GRM3: variants seen among roughly 807,000 people sequenced by gnomAD.
GRM3 encodes metabotropic glutamate receptor 3.
In GRM3, 26 loss-of-function variants were observed where a neutral mutation model predicts 70.5. That is an observed-to-expected ratio of 0.37 (90% CI 0.27 to 0.51). GRM3 has a LOEUF of 0.51. Ranked by LOEUF, GRM3 falls within the 20% of genes least tolerant of loss-of-function variation. The pLI is 0.93. For synonymous variants in GRM3, 443 were observed against 434.9 expected (o/e 1.02, Z -0.23); for missense variants, 859 against 1,123.8 (o/e 0.76, Z 3.37).
chr7:86,806,478 T>A (rs1329019101), intron 3 of GRM3, among the ~76,000 whole-genome samples: 1 of 152,220 alleles, frequency 6.6e-6, no homozygotes, highest in Admixed American at 6.5e-5. Flanking sequence ...GTGGTTTTGA[T>A]TTGCATTTCT....
chr7:86,696,223 G>A (rs1007891915), intron 1 of GRM3, among the ~76,000 whole-genome samples: 4 of 152,202 alleles, frequency 2.6e-5, no homozygotes, highest in African/African-American at 9.6e-5. Flanking sequence ...TCTGGCAAAA[G>A]AGACTTAGAT....
chr7:86,680,107 T>C (rs762339668), intron 1 of GRM3, among the ~76,000 whole-genome samples: 10 of 152,120 alleles, frequency 6.6e-5, no homozygotes, highest in African/African-American at 9.7e-5. Context: ...TGCTAGAGTA[T>C]GCTGAGAAGT....
chr7:86,662,405 G>A (rs568967723), intron 1 of GRM3, among the ~76,000 whole-genome samples: 62 of 151,716 alleles, frequency 4.1e-4, no homozygotes, highest in Non-Finnish European at 8.9e-5. Flanking sequence ...AAGGAATGAA[G>A]GAATAAAGAC....
At position 86,850,554 on chromosome 7, in the gene GRM3, G is replaced by A. The variant is rs1798737680; in HGVS notation, c.2566+10G>A. ...ACCACATACTCTCAGTGTAAGTATG[G>A]AACTCAGCACTAACTCCTTCATACA... is the stretch of plus-strand genomic sequence containing the variant. On this transcript the variant is annotated intron_variant, in intron 5 of 5. Transcript: ENST00000361669. The A allele has an allele frequency of 6.3e-7, 1 of 1,575,254 alleles. No individual in the cohort carries two copies. Among genetic ancestry groups the A allele is most frequent in the Non-Finnish European group, 8.7e-7 (1 of 1,144,966 alleles).
At chr7:86,678,516 A>G (rs972851210) in intron 1 of GRM3, among the ~76,000 whole-genome samples, 3 of 152,066 alleles carry the variant, frequency 2.0e-5, no homozygotes, top group Non-Finnish European at 4.4e-5. Flanking sequence ...GTGTCTAAGA[A>G]TACTGTAAAG....
At chr7:86,684,726 A>G (rs1295653900) in intron 1 of GRM3, among the ~76,000 whole-genome samples, 1 of 152,224 alleles carries the variant, frequency 6.6e-6, no homozygotes, top group African/African-American at 2.4e-5. Context: ...TCACAGAATC[A>G]AGGAATAATG....
intron 1 of GRM3, among the ~76,000 whole-genome samples, chr7:86,712,936 C>T (rs1040646350): frequency 2.0e-5 from 3 of 152,018 alleles, no homozygotes; most frequent in Non-Finnish European, 4.4e-5. Context: ...CTGCAATAAA[C>T]ATAAAAATGC....
chr7:86,850,205 A>G (rs1367379671), intron 4 of GRM3, among the ~76,000 whole-genome samples, 165 bp from the exon 5 acceptor site: 1 of 152,212 alleles, frequency 6.6e-6, no homozygotes, highest in Admixed American at 6.6e-5. Flanking sequence ...AGACTACCCC[A>G]AACATAGAAG....
chr7:86,836,023 C>T (rs1381282887), intron 3 of GRM3, among the ~76,000 whole-genome samples: 1 of 152,094 alleles, frequency 6.6e-6, no homozygotes, highest in Admixed American at 6.5e-5. Context: ...TATTAAGATA[C>T]AACCAGACCC....
chr7:86,812,950 T>C (rs867847998), intron 3 of GRM3, among the ~76,000 whole-genome samples: 2 of 151,872 alleles, frequency 1.3e-5, no homozygotes, highest in African/African-American at 2.4e-5. Flanking sequence ...TTATCATGAA[T>C]GAGTTGGCCT....
At chr7:86,785,131 A>G (rs1014657266) in intron 2 of GRM3, among the ~76,000 whole-genome samples, 4 of 152,264 alleles carry the variant, frequency 2.6e-5, no homozygotes, top group African/African-American at 9.6e-5. Context: ...ATTCATGCCA[A>G]TGTAGACAGA....
intron 4 of GRM3, among the ~76,000 whole-genome samples, chr7:86,843,409 T>A (rs1798594607): frequency 6.6e-6 from 1 of 152,174 alleles, no homozygotes; most frequent in Non-Finnish European, 1.5e-5. Flanking sequence ...GGAGGACTAA[T>A]TGAAGCTCTT....
At chr7:86,714,120 A>G (rs371625525) in intron 1 of GRM3, among the ~76,000 whole-genome samples, 79 of 152,102 alleles carry the variant, frequency 5.2e-4, no homozygotes, top group African/African-American at 1.8e-3. Flanking sequence ...TGCTCTTCCT[A>G]CCAATGTCTG....
chr7:86,678,943 T>G, intron 1 of GRM3, among the ~76,000 whole-genome samples: 1 of 152,122 alleles, frequency 6.6e-6, no homozygotes, highest in East Asian at 1.9e-4. Context: ...AATTTTTTGA[T>G]AGCAAGGGTT....
At position 86,765,275 on chromosome 7, in the gene GRM3, C is replaced by A. The variant is rs369915149; in HGVS notation, c.130C>A (p.Leu44Met). 6.2e-7 allele frequency: 1 copy of A among 1,613,678 alleles called. No homozygotes were observed. Among genetic ancestry groups the A allele is most frequent in the Non-Finnish European group, 8.5e-7 (1 of 1,179,834 alleles). The change falls in exon 2 of 6, where the codon CTG becomes ATG. Residue 44 changes from leucine to methionine, a missense_variant. Leu to Met is a conservative substitution (Grantham distance 15, BLOSUM62 2). Coordinates refer to ENST00000361669, the MANE Select transcript of GRM3 (RefSeq NM_000840.3). Reference sequence around the variant, plus strand: ...AGAAGGTGACCTTGTTTTAGGGGGCCTGTTTCCTATTAACGAAAAAGGCAC... The same window carrying A: ...AGAAGGTGACCTTGTTTTAGGGGGCATGTTTCCTATTAACGAAAAAGGCAC... ...KIEGDLVLGG[L>M]FPINEKGTGT...
At chr7:86,653,250 T>G (rs879878255) in intron 1 of GRM3, among the ~76,000 whole-genome samples, 4 of 152,220 alleles carry the variant, frequency 2.6e-5, no homozygotes, top group African/African-American at 4.8e-5. Flanking sequence ...TTTGTAAACC[T>G]GATCATCTCC....
chr7:86,754,786 G>A (rs1344066046), intron 1 of GRM3, among the ~76,000 whole-genome samples: 2 of 152,074 alleles, frequency 1.3e-5, no homozygotes, highest in African/African-American at 2.4e-5. Flanking sequence ...GGAATTTATT[G>A]TCTCATGTTA....
At chr7:86,814,129 A>C (rs1274016388) in intron 3 of GRM3, among the ~76,000 whole-genome samples, 2 of 151,614 alleles carry the variant, frequency 1.3e-5, no homozygotes, top group Non-Finnish European at 3.0e-5. Flanking sequence ...TAGAGTTAGC[A>C]CCCCCAATTT....
intron 3 of GRM3, among the ~76,000 whole-genome samples, chr7:86,825,477 G>C (rs1344311974): frequency 6.6e-6 from 1 of 152,198 alleles, no homozygotes; most frequent in Non-Finnish European, 1.5e-5. Flanking sequence ...CAGTGGCTTA[G>C]GAGACACATG....
Sources: allele counts gnomAD v4.1 joint callset (sites outside exome capture counted in the v4.1 genomes callset), GRCh38; gene constraint gnomAD v4.1.1; transcripts MANE v1.5; gene names NCBI Gene and HGNC (gene_info 2026-07-23, HGNC 2026-07-21).